The following TAS1R3 variants were observed in gnomAD, a reference collection of about 807,000 sequenced individuals.
The protein encoded by TAS1R3 is taste 1 receptor member 3.
Under a neutral mutation model 46.1 loss-of-function variants are expected in TAS1R3, and 58 were observed. That is an observed-to-expected ratio of 1.26 (90% CI 1.02 to 1.57). TAS1R3 has a LOEUF of 1.57. Among genes scored for constraint, TAS1R3 ranks in the 40% most tolerant of loss-of-function variants. TAS1R3 has a pLI of 0.00. For missense variants in TAS1R3, 1,422 were observed against 1,185.8 expected, an observed-to-expected ratio of 1.20 and a Z score of -2.93; for synonymous variants, 724 against 544.7, an observed-to-expected ratio of 1.33 and a Z score of -4.58.
At position 1,331,727 on chromosome 1, in the gene TAS1R3, G is replaced by A. The variant is rs779230096; in HGVS notation, c.281G>A (p.Arg94His). The change falls in exon 2 of 6, where the codon CGC becomes CAC. Residue 94 changes from arginine to histidine, a missense_variant. Coordinates refer to ENST00000339381, the MANE Select transcript of TAS1R3 (RefSeq NM_152228.3). ...NNKSDLLPGLRLGYDLFDTCS... is the reference protein window; with the variant it reads ...NNKSDLLPGLHLGYDLFDTCS... ...AAGTCGGATCTGCTGCCCGGGCTGC[G>A]CCTGGGCTACGACCTCTTTGATACG... 62 of 1,612,794 alleles carry A rather than the reference G, an allele frequency of 3.8e-5. No individual in the cohort carries two copies. The highest frequency in any genetic ancestry group is 2.2e-5 in the Non-Finnish European group (26 of 1,180,008).
chr1:1,333,189 G>A (rs541893287), intron 4 of TAS1R3, 65 bp downstream of exon 4: 5 of 1,590,482 alleles, frequency 3.1e-6, no homozygotes, highest in Middle Eastern at 1.7e-4. Flanking sequence ...GCAGCCTGGG[G>A]GTGGGGGCCG....
rs749796719 is a variant in TAS1R3, at chr1:1,333,301, G to A, written c.1522G>A (p.Val508Met). The A allele has an allele frequency of 3.1e-6, 5 of 1,598,986 alleles. No individual in the cohort carries two copies. Among genetic ancestry groups the A allele is most frequent in the Non-Finnish European group, 4.3e-6 (5 of 1,173,810 alleles). Residue 508 changes from valine to methionine, a missense_variant, in exon 5 of 6, where the codon GTG becomes ATG. Transcript: ENST00000339381. Reference protein sequence around the residue: ...RCSRQCQEGQVRRVKGFHSCC... With the variant: ...RCSRQCQEGQMRRVKGFHSCC... ...CTCGCGGCAGTGCCAGGAGGGCCAG[G>A]TGCGCCGGGTCAAGGGGTTCCACTC...
rs767860710 is a variant in TAS1R3 at position 1,333,550 on chromosome 1, G to A, written c.1645G>A (p.Glu549Lys). The stretch of plus-strand genomic sequence containing the variant: ...TTGTGGCCAGGATGAGTGGTCCCCG[G>A]AGCGAAGCACACGCTGCTTCCGCCG... ...TFCGQDEWSP[E>K]RSTRCFRRRS... Residue 549 changes from glutamate (E) to lysine (K), a missense_variant, in exon 6 of 6, where the codon GAG (glutamate) becomes AAG (lysine). Physicochemically the swap from Glu to Lys is moderately conservative, Grantham distance 56. Transcript: ENST00000339381. The A allele has an allele frequency of 2.4e-5, 38 of 1,603,904 alleles. No individual in the cohort carries two copies. The highest frequency in any genetic ancestry group is 3.1e-5 in the Non-Finnish European group (37 of 1,179,858).
At chr1:1,333,423 G>A in intron 5 of TAS1R3, 44 bp downstream of exon 5, 1 of 1,609,476 alleles carries the variant, frequency 6.2e-7, no homozygotes, top group Non-Finnish European at 8.5e-7. Context: ...CGCAGCAGGG[G>A]AGGGTCCTGC....
At chr1:1,333,413 C>T (rs372243114) in intron 5 of TAS1R3, 34 bp downstream of exon 5, 60 of 1,610,480 alleles carry the variant, frequency 3.7e-5, no homozygotes, top group African/African-American at 2.3e-4. Flanking sequence ...GGGGTGGGAA[C>T]GCAGCAGGGG....
At position 1,333,344 on chromosome 1, in the gene TAS1R3, T is replaced by G; in HGVS notation, c.1565T>G (p.Val522Gly). 1 of 1,609,848 alleles carries G rather than the reference T, an allele frequency of 6.2e-7. No homozygotes were observed. The highest frequency in any genetic ancestry group is 8.5e-7 in the Non-Finnish European group (1 of 1,178,774). Residue 522 changes from valine to glycine, a missense_variant, in exon 5 of 6, where the codon GTG (valine) becomes GGG (glycine). By Grantham distance (109) the Val-to-Gly change is moderately radical. Coordinates refer to ENST00000339381, the MANE Select transcript of TAS1R3 (RefSeq NM_152228.3). ...KGFHSCCYDC[V>G]DCEAGSYRQN... The stretch of plus-strand genomic sequence containing the variant: ...TTCCACTCCTGCTGCTACGACTGTG[T>G]GGACTGCGAGGCGGGCAGCTACCGG...
chr1:1,333,157 G>C (rs770409700), intron 4 of TAS1R3, 33 bp downstream of exon 4: 2 of 1,602,512 alleles, frequency 1.2e-6, no homozygotes, highest in Admixed American at 1.7e-5. Flanking sequence ...AGGCGTGCCC[G>C]TGGTAGCCCC....
chr1:1,334,525 G>A lies in TAS1R3; in HGVS notation c.*61G>A, dbSNP rs566124765. 2.1e-6 allele frequency: 3 copies of A among 1,437,502 alleles called. No homozygotes were observed. The highest frequency in any genetic ancestry group is 2.8e-5 in the African/African-American group (2 of 70,208). 89.0% of individuals were successfully genotyped at this position (1,437,502 alleles called of 1,614,324 possible). A position where few individuals can be genotyped will look rare whatever the true frequency, so the allele number is the denominator to read the frequency against. On this transcript the variant is annotated 3_prime_UTR_variant, in exon 6 of 6. Transcript: ENST00000339381. ...CTTAGCTGCGATCCCCCCCAAGCCAGCAATGACCCGTGTCTCGCTACAGAG... is the reference window on the plus strand; with the variant it reads ...CTTAGCTGCGATCCCCCCCAAGCCAACAATGACCCGTGTCTCGCTACAGAG...
Position 1,334,025 on chromosome 1 carries a change from T to C in TAS1R3, c.2120T>C (p.Val707Ala). ...TWYLVAFPPE[V>A]VTDWHMLPTE... ...TACCTGGTGGCCTTCCCGCCGGAGG[T>C]GGTGACGGACTGGCACATGCTGCCC... Residue 707 changes from valine (V) to alanine (A), a missense_variant, in exon 6 of 6, where the codon GTG becomes GCG. Transcript: ENST00000339381. The C allele has an allele frequency of 6.2e-7, 1 of 1,601,320 alleles. No homozygotes were observed. Among genetic ancestry groups the C allele is most frequent in the South Asian group, 1.1e-5 (1 of 90,986 alleles).
At position 1,334,403 on chromosome 1, in the gene TAS1R3, G is replaced by T; in HGVS notation, c.2498G>T (p.Gly833Val). 1 of 1,606,034 alleles carries T rather than the reference G, an allele frequency of 6.2e-7. No individual in the cohort carries two copies. Among genetic ancestry groups the T allele is most frequent in the South Asian group, 1.1e-5 (1 of 90,398 alleles). ...ACCCCCGAGTTCTTCCTGGGAGGGG[G>T]CCCTGGGGATGCCCAAGGCCAGAAT... Reference protein sequence around the residue: ...LNTPEFFLGGGPGDAQGQNDG... With the variant: ...LNTPEFFLGGVPGDAQGQNDG... The change falls in exon 6 of 6, where the codon GGC (glycine) becomes GTC (valine). Residue 833 changes from glycine (G) to valine (V), a missense_variant. Gly to Val is a moderately radical substitution (Grantham distance 109). Transcript: ENST00000339381.
Position 1,332,162 on chromosome 1 carries a change from G to T in TAS1R3, c.631G>T (p.Ala211Ser). 3.8e-6 allele frequency: 6 copies of T among 1,597,646 alleles called. No individual in the cohort carries two copies. Among genetic ancestry groups the T allele is most frequent in the Non-Finnish European group, 5.1e-6 (6 of 1,178,866 alleles). Residue 211 changes from alanine to serine, a missense_variant, in exon 3 of 6, where the codon GCC becomes TCC. Transcript: ENST00000339381. ...GGAGTTCGGCTGGAACTGGGTGGCC[G>T]CCCTGGGCAGCGACGACGAGTACGG... is the stretch of plus-strand genomic sequence containing the variant. ...LQEFGWNWVAALGSDDEYGRQ... is the reference protein window; with the variant it reads ...LQEFGWNWVASLGSDDEYGRQ...
Position 1,333,135 on chromosome 1 carries a change from G to T in TAS1R3, c.1479+11G>T, listed in dbSNP as rs141740728. ...ACGTCTGACAACCAGGTGAGGTGAGGGTGGGTGTGCCAGGCGTGCCCGTGG... is the reference window on the plus strand; with the variant it reads ...ACGTCTGACAACCAGGTGAGGTGAGTGTGGGTGTGCCAGGCGTGCCCGTGG... On this transcript the variant is annotated intron_variant, in intron 4 of 5. Transcript: ENST00000339381. 6.2e-7 allele frequency: 1 copy of T among 1,608,720 alleles called. No homozygotes were observed.
At position 1,334,574 on chromosome 1, in the gene TAS1R3, C is replaced by T. The variant is rs998211937; in HGVS notation, c.*110C>T. ...AGACCCTCCCGCTCTAGGTTCTGACCCCAGGTTGTCTCCTGACCCTGACCC... is the reference window on the plus strand; with the variant it reads ...AGACCCTCCCGCTCTAGGTTCTGACTCCAGGTTGTCTCCTGACCCTGACCC... On this transcript the variant is annotated 3_prime_UTR_variant, in exon 6 of 6. Transcript: ENST00000339381. The T allele has an allele frequency of 2.4e-5, 30 of 1,265,562 alleles. No homozygotes were observed. The African/African-American group carries it at 3.6e-4, about 15-fold the overall frequency. The allele number at this position is 1,265,562 out of a possible 1,614,324, so 78.4% of individuals were successfully genotyped here.
rs61766206 is a variant in TAS1R3 at position 1,333,170 on chromosome 1, C to T, written c.1479+46C>T. On this transcript the variant is annotated intron_variant, in intron 4 of 5. Coordinates refer to ENST00000339381, the MANE Select transcript of TAS1R3 (RefSeq NM_152228.3). ...CCAGGCGTGCCCGTGGTAGCCCCCG[C>T]GGCAGGGCGCAGCCTGGGGGTGGGG... 4,627 of 1,594,820 alleles carry T rather than the reference C, an allele frequency of 2.9e-3. 100 individuals carry two copies. In the African/African-American group the frequency reaches 0.047, roughly 16 times the overall value.
chr1:1,333,394 C>T lies in TAS1R3; in HGVS notation c.1600+15C>T, dbSNP rs199520997. The T allele has an allele frequency of 2.0e-4, 325 of 1,611,506 alleles. 1 individual carries two copies. The highest frequency in any genetic ancestry group is 2.5e-4 in the Non-Finnish European group (292 of 1,179,602). ...GCAAAACCCAGGTGAGCCGCCTTCCCGGCAGGCGGGGGTGGGAACGCAGCA... is the reference window on the plus strand; with the variant it reads ...GCAAAACCCAGGTGAGCCGCCTTCCTGGCAGGCGGGGGTGGGAACGCAGCA... On this transcript the variant is annotated intron_variant, in intron 5 of 5. Coordinates refer to ENST00000339381, the MANE Select transcript of TAS1R3 (RefSeq NM_152228.3).
intron 4 of TAS1R3, 44 bp from the exon 5 acceptor site, chr1:1,333,215 G>C: frequency 6.3e-7 from 1 of 1,594,232 alleles, no homozygotes; most frequent in Non-Finnish European, 8.5e-7. Flanking sequence ...GTCTCCCGTG[G>C]GCATGCCCAG....
At position 1,332,947 on chromosome 1, in the gene TAS1R3, C is replaced by G. The variant is rs138221016; in HGVS notation, c.1302C>G (p.Thr434=). 92 of 1,611,538 alleles carry G rather than the reference C, an allele frequency of 5.7e-5. No individual in the cohort carries two copies. The African/African-American group carries it at 1.2e-3, about 21-fold the overall frequency. ...WQLLENMYNL[T]FHVGGLPLRF... ...TCCTGGAGAACATGTACAACCTGAC[C>G]TTCCACGTGGGCGGGCTGCCGCTGC... Residue 434 remains threonine (T), a synonymous_variant, in exon 4 of 6, where the codon ACC becomes ACG. Transcript: ENST00000339381.
At position 1,332,810 on chromosome 1, in the gene TAS1R3, A is replaced by G. The variant is rs1346331929; in HGVS notation, c.1275+4A>G. Reference sequence around the variant, plus strand: ...GGACCCCGTGAAGCCCTGGCAGGTGAGCCCGGGAGATGGGGGTGTGCTGTC... The same window carrying G: ...GGACCCCGTGAAGCCCTGGCAGGTGGGCCCGGGAGATGGGGGTGTGCTGTC... On this transcript the variant is annotated splice_donor_region_variant and intron_variant, in intron 3 of 5. Coordinates refer to ENST00000339381, the MANE Select transcript of TAS1R3 (RefSeq NM_152228.3). 36 of 1,601,546 alleles carry G rather than the reference A, an allele frequency of 2.2e-5. No individual in the cohort carries two copies. The highest frequency in any genetic ancestry group is 2.6e-5 in the Non-Finnish European group (30 of 1,174,826).
In TAS1R3 at chr1:1,331,484, G is replaced by A. The variant is rs776317075; in HGVS notation, c.139G>A (p.Glu47Lys). The change falls in exon 1 of 6, where the codon GAG (glutamate) becomes AAG (lysine). Residue 47 changes from glutamate (E) to lysine (K), a missense_variant. Coordinates refer to ENST00000339381, the MANE Select transcript of TAS1R3 (RefSeq NM_152228.3). ...GGGGCTGTTCCCCCTGGGCGAGGCC[G>A]AGGAGGCTGGCCTCCGCAGCCGGAC... The part of the protein sequence containing the change: ...LGGLFPLGEA[E>K]EAGLRSRTRP... 1.9e-5 allele frequency: 31 copies of A among 1,606,444 alleles called. No individual in the cohort carries two copies. Among genetic ancestry groups the A allele is most frequent in the Middle Eastern group, 1.7e-4 (1 of 6,054 alleles).
Sources: gnomAD v4.1 joint callset for allele counts on GRCh38, gnomAD v4.1.1 for gene constraint, MANE v1.5 for transcripts, NCBI Gene and HGNC (gene_info 2026-07-23, HGNC 2026-07-21) for gene names.